Variants in UPK1A observed in about 807,000 individuals in gnomAD.
The protein encoded by UPK1A is uroplakin-1a.
A neutral mutation model predicts 32.3 loss-of-function variants in UPK1A; 31 were observed. The observed-to-expected ratio is 0.96, with a 90% confidence interval of 0.72 to 1.30. UPK1A has a LOEUF of 1.30. Ranked by LOEUF, UPK1A falls within the 50% of genes most tolerant of loss-of-function variation. The pLI, the probability that UPK1A is intolerant of heterozygous loss-of-function variation, is 0.00. For missense variants in UPK1A, 340 were observed against 357.4 expected, an observed-to-expected ratio of 0.95 and a Z score of 0.39; for synonymous variants, 135 against 137.1, an observed-to-expected ratio of 0.98 and a Z score of 0.11.
intron 4 of UPK1A, 57 bp from the exon 5 acceptor site, chr19:35,673,381 G>A (rs1260496594): frequency 1.2e-6 from 2 of 1,610,984 alleles, no homozygotes; most frequent in Non-Finnish European, 1.7e-6. Context: ...CGGGGCGGAG[G>A]TCGTCCTCTC....
intron 3 of UPK1A, among the ~76,000 whole-genome samples, chr19:35,673,027 AAATT>A (rs1968125479): frequency 1.3e-5 from 2 of 152,254 alleles, no homozygotes; most frequent in African/African-American, 2.4e-5. Flanking sequence ...TCTCAAAAAT[AAATT>A]AATTAAATTA....
chr19:35,667,794 G>A (rs527360023), intron 2 of UPK1A, among the ~76,000 whole-genome samples: 2 of 151,144 alleles, frequency 1.3e-5, no homozygotes, highest in African/African-American at 2.4e-5. Flanking sequence ...GCGACTGGCC[G>A]TGTGTTTGTT....
chr19:35,666,967 G>A (rs932115960), intron 2 of UPK1A, 71 bp downstream of exon 2: 20 of 1,490,900 alleles, frequency 1.3e-5, no homozygotes, highest in Non-Finnish European at 3.7e-6. Flanking sequence ...AGCTCGGGGT[G>A]GGGGATGAGG....
chr19:35,667,041 G>A (rs1599627987), intron 2 of UPK1A, 145 bp downstream of exon 2: 1 of 743,772 alleles, frequency 1.3e-6, no homozygotes, highest in Non-Finnish European at 2.3e-6. Context: ...TCCCAGCTCT[G>A]CCTCTCCCCA....
At chr19:35,671,839 TCAA>T (rs1260682938) in intron 3 of UPK1A, among the ~76,000 whole-genome samples, 2 of 152,010 alleles carry the variant, frequency 1.3e-5, no homozygotes, top group Non-Finnish European at 2.9e-5. Flanking sequence ...TCACCTGATT[TCAA>T]CAACATCAGC....
chr19:35,676,171 TTTTCTTTCTTTCTTTC>T, intron 6 of UPK1A, 152 bp downstream of exon 6: 1 of 882,368 alleles, frequency 1.1e-6, no homozygotes, highest in Non-Finnish European at 1.7e-6. Flanking sequence ...CTTGTTTTCT[TTTTCTTTCTTTCTTTC>T]TTTCTTTCTT....
chr19:35,675,491 G>T (rs563056516), intron 5 of UPK1A, among the ~76,000 whole-genome samples: 1 of 152,112 alleles, frequency 6.6e-6, no homozygotes. Flanking sequence ...ATGTTGGTCA[G>T]GCTGGTCTCG....
chr19:35,671,864 C>T lies in UPK1A; in HGVS notation c.286-1368C>T, dbSNP rs188285169. On this transcript the variant is annotated intron_variant, in intron 3 of 7. Transcript: ENST00000617999. ...TCAACAACATCAGCTGCAGACTGCC[C>T]GACATTGTCTCCTCTATCCCCCTTC... Among the ~76,000 whole-genome samples, 12 of 152,192 alleles carry T rather than the reference C, an allele frequency of 7.9e-5. No homozygotes were observed. In the East Asian group the frequency reaches 1.3e-3, roughly 17 times the overall value.
At chr19:35,672,557 T>C (rs1330489918) in intron 3 of UPK1A, among the ~76,000 whole-genome samples, 2 of 151,154 alleles carry the variant, frequency 1.3e-5, no homozygotes, top group Non-Finnish European at 2.9e-5. Context: ...CGTAAGCCAC[T>C]GCACCCACCC....
At chr19:35,666,988 GTC>G in intron 2 of UPK1A, 92 bp downstream of exon 2, 1 of 1,327,442 alleles carries the variant, frequency 7.5e-7, no homozygotes, top group South Asian at 1.2e-5. Context: ...GTCCAGAACT[GTC>G]TCTCGGGCAG....
At chr19:35,676,189 TTCTTTC>T (rs1448400260) in intron 6 of UPK1A, 170 bp downstream of exon 6, 11 of 824,214 alleles carry the variant, frequency 1.3e-5, no homozygotes, top group South Asian at 4.0e-5. Context: ...CTTTCTTTCT[TTCTTTC>T]TTTTTTTTTT....
Position 35,668,672 on chromosome 19 carries a change from G to T in UPK1A, c.285+18G>T. 1 of 1,601,704 alleles carries T rather than the reference G, an allele frequency of 6.2e-7. No individual in the cohort carries two copies. Among genetic ancestry groups the T allele is most frequent in the East Asian group, 2.3e-5 (1 of 44,436 alleles). The stretch of plus-strand genomic sequence containing the variant: ...TCCTCACGGTGAGACTCCAGGGGTT[G>T]GGGGATGGGGACACTGAAAACGGAG... On this transcript the variant is annotated intron_variant, in intron 3 of 7. Transcript: ENST00000617999.
chr19:35,671,781 AT>A (rs1054356115), intron 3 of UPK1A, among the ~76,000 whole-genome samples: 1 of 151,844 alleles, frequency 6.6e-6, no homozygotes, highest in Non-Finnish European at 1.5e-5. Flanking sequence ...CTTACAGGAA[AT>A]TTCTAAAGTA....
At chr19:35,677,979 C>T (rs761316150) in exon 8 of UPK1A, 141 of 1,601,764 alleles carry the variant, frequency 8.8e-5, no homozygotes, top group Non-Finnish European at 3.7e-5. Context: ...CGCCAGCTCC[C>T]GGTCATGCTG....
chr19:35,678,067 C>T, exon 8 of UPK1A: 2 of 1,519,052 alleles, frequency 1.3e-6, no homozygotes, highest in Non-Finnish European at 1.8e-6. Flanking sequence ...CCTCCGCATC[C>T]TCCTCCTGCT....
intron 5 of UPK1A, 21 bp from the exon 6 acceptor site, chr19:35,675,819 A>T (rs751205743): frequency 5.7e-6 from 9 of 1,590,278 alleles, no homozygotes; most frequent in Non-Finnish European, 7.7e-6. Flanking sequence ...AGCCTGCCTG[A>T]CCCCCTGCTT....
At chr19:35,666,573 T>C (rs1967999946) in intron 1 of UPK1A, 35 bp downstream of exon 1, 1 of 538,208 alleles carries the variant, frequency 1.9e-6, no homozygotes, top group Non-Finnish European at 3.3e-6. Context: ...GGGTATGGCA[T>C]GAGGGGTCTG....
chr19:35,673,409 C>A (rs754745122), intron 4 of UPK1A, 29 bp from the exon 5 acceptor site: 16 of 1,612,064 alleles, frequency 9.9e-6, no homozygotes, highest in Admixed American at 1.7e-5. Flanking sequence ...CCAGCCCTGC[C>A]GGCCCTTGTT....
intron 3 of UPK1A, among the ~76,000 whole-genome samples, chr19:35,670,169 G>A (rs73931241): frequency 3.3e-4 from 51 of 152,316 alleles, no homozygotes; most frequent in African/African-American, 1.2e-3. Flanking sequence ...AAGGGCAAAG[G>A]CTCTGAGGCC....
Sources: gnomAD v4.1 joint callset for allele counts (sites outside exome capture counted in the v4.1 genomes callset) on GRCh38, gnomAD v4.1.1 for gene constraint, MANE v1.5 for transcripts, NCBI Gene and HGNC (gene_info 2026-07-23, HGNC 2026-07-21) for gene names.